SHANK2: variants seen among roughly 807,000 people sequenced by gnomAD.
SHANK2 encodes SH3 and multiple ankyrin repeat domains 2.
A neutral mutation model predicts 133.7 loss-of-function variants in SHANK2; 43 were observed. That is an observed-to-expected ratio of 0.32 (90% CI 0.25 to 0.41). SHANK2 has a LOEUF of 0.41. Among genes scored for constraint, SHANK2 ranks in the 10% least tolerant of loss-of-function variants. The pLI is 1.00. For missense variants in SHANK2, 1,994 were observed against 2,235.8 expected, an observed-to-expected ratio of 0.89 and a Z score of 2.18; for synonymous variants, 1,017 against 952.8, an observed-to-expected ratio of 1.07 and a Z score of -1.24.
chr11:71,096,674 A>T (rs562610088), intron 6 of SHANK2, among the ~76,000 whole-genome samples: 50 of 152,300 alleles, frequency 3.3e-4, no homozygotes, highest in African/African-American at 1.2e-3. Flanking sequence ...CGACTTAATG[A>T]GCGTGTGACA....
chr11:71,074,682 A>G (rs1433700255), intron 9 of SHANK2, among the ~76,000 whole-genome samples: 1 of 151,992 alleles, frequency 6.6e-6, no homozygotes, highest in African/African-American at 2.4e-5. Flanking sequence ...GGTGAGGGCC[A>G]CTAAGGGGCA....
intron 2 of SHANK2, among the ~76,000 whole-genome samples, chr11:71,209,791 C>T (rs537723328): frequency 7.2e-5 from 11 of 152,142 alleles, no homozygotes; most frequent in Non-Finnish European, 1.6e-4. Context: ...GAGCACCTGC[C>T]GTGAGCTGCC....
At position 70,502,261 on chromosome 11, in the gene SHANK2, C is replaced by G. The variant is rs374591072; in HGVS notation, c.2223G>C (p.Pro741=). ...TGGAGCGCAGGGTGAGGGCTGTGGTCGGTGCCCGCTTTGGAGGCGGGGGAG... is the reference window on the plus strand; with the variant it reads ...TGGAGCGCAGGGTGAGGGCTGTGGTGGGTGCCCGCTTTGGAGGCGGGGGAG... ...KKAPPPPKRA[P]TTALTLRSKS... Residue 741 remains proline (P), a synonymous_variant, in exon 19 of 26, where the codon CCG becomes CCC. Transcript: ENST00000601538. The G allele has an allele frequency of 1.3e-6, 2 of 1,558,136 alleles. No individual in the cohort carries two copies. The highest frequency in any genetic ancestry group is 1.2e-5 in the South Asian group (1 of 84,724).
intron 17 of SHANK2, among the ~76,000 whole-genome samples, chr11:70,619,883 G>A (rs1343923562): frequency 1.3e-5 from 2 of 152,214 alleles, no homozygotes; most frequent in Non-Finnish European, 2.9e-5. Context: ...TGTTACCATG[G>A]GACTTGGAGG....
In SHANK2 at chr11:71,109,960, G is replaced by A. The variant is rs1555098798; in HGVS notation, c.573C>T (p.Phe191=). ...GCTCACCTCCGGTCTCCGGGTCGTG[G>A]AAATTGGGATCCAGGCCTCGGTCCA... ...KMLDRGLDPN[F]HDPETGETPL... The change falls in exon 6 of 26, where the codon TTC becomes TTT. Residue 191 remains phenylalanine, a synonymous_variant. Coordinates refer to ENST00000601538, the MANE Select transcript of SHANK2 (RefSeq NM_012309.5). 1.9e-6 allele frequency: 3 copies of A among 1,551,382 alleles called. No homozygotes were observed. Among genetic ancestry groups the A allele is most frequent in the South Asian group, 2.4e-5 (2 of 84,066 alleles).
chr11:70,927,110 T>A lies in SHANK2; in HGVS notation c.1108-30543A>T, dbSNP rs531948799. ...ATGTGCTTGCCAAGGCATCTCAATA[T>A]GTTAATTTCTTTGTTTTAAAAAAAT... On this transcript the variant is annotated intron_variant, in intron 10 of 25. Coordinates refer to ENST00000601538, the MANE Select transcript of SHANK2 (RefSeq NM_012309.5). Among the ~76,000 whole-genome samples the A allele has an allele frequency of 2.0e-5, 3 of 152,276 alleles. No individual in the cohort carries two copies. In the South Asian group the frequency reaches 6.2e-4, roughly 32 times the overall value.
chr11:70,755,133 G>A (rs911138025), intron 14 of SHANK2, among the ~76,000 whole-genome samples: 22 of 151,162 alleles, frequency 1.5e-4, no homozygotes, highest in African/African-American at 4.4e-4. Context: ...GTGCAGTGGC[G>A]TGACCTCGGC....
chr11:70,557,278 C>T (rs1011642303), intron 17 of SHANK2, among the ~76,000 whole-genome samples: 1 of 152,134 alleles, frequency 6.6e-6, no homozygotes, highest in Non-Finnish European at 1.5e-5. Flanking sequence ...CTCAGGATCT[C>T]ACGAATTACA....
intron 2 of SHANK2, among the ~76,000 whole-genome samples, chr11:71,219,768 G>C (rs1266851213): frequency 6.6e-6 from 1 of 151,390 alleles, no homozygotes; most frequent in Non-Finnish European, 1.5e-5. Flanking sequence ...CATGGTGGTG[G>C]GTGCCTGTAA....
At chr11:70,590,964 C>T (rs1053073361) in intron 17 of SHANK2, among the ~76,000 whole-genome samples, 44 of 152,044 alleles carry the variant, frequency 2.9e-4, no homozygotes, top group African/African-American at 1.0e-3. Flanking sequence ...AATTAGTATC[C>T]CTCTCCCCAG....
Position 71,064,365 on chromosome 11 carries a change from C to T in SHANK2, c.1030-7807G>A, listed in dbSNP as rs1042052380. ...GGGGACAGCTGGGCGGAGGCAGAGG[C>T]CACCCCAGCAGAGCACCAAGAACCG... On this transcript the variant is annotated intron_variant, in intron 9 of 25. Transcript: ENST00000601538. Among the ~76,000 whole-genome samples, 1,017 of 152,200 alleles carry T rather than the reference C, an allele frequency of 6.7e-3. 9 individuals are homozygous for T. Among genetic ancestry groups the T allele is most frequent in the Non-Finnish European group, 9.8e-3 (668 of 68,008 alleles).
chr11:70,489,200 T>C, intron 24 of SHANK2, 128 bp downstream of exon 24: 3 of 912,100 alleles, frequency 3.3e-6, no homozygotes, highest in South Asian at 2.7e-5. Context: ...GTGTTCTCCA[T>C]TGACCAGTCA....
At chr11:70,666,579 T>G (rs556291834) in intron 15 of SHANK2, among the ~76,000 whole-genome samples, 70 of 152,308 alleles carry the variant, frequency 4.6e-4, no homozygotes, top group African/African-American at 1.7e-3. Flanking sequence ...AACCAGAGTC[T>G]GCCCTGACCT....
intron 1 of SHANK2, among the ~76,000 whole-genome samples, chr11:71,245,050 G>T (rs966581003): frequency 2.0e-4 from 31 of 151,666 alleles, no homozygotes; most frequent in Admixed American, 4.6e-4. Flanking sequence ...GCGTGATCAC[G>T]GCTCACTGCA....
intron 17 of SHANK2, among the ~76,000 whole-genome samples, chr11:70,586,117 G>T (rs546417808): frequency 6.6e-6 from 1 of 152,286 alleles, no homozygotes; most frequent in East Asian, 1.9e-4. Flanking sequence ...ACAGGTGCCT[G>T]CCCTGGGTTG....
chr11:70,826,560 A>G, intron 11 of SHANK2: 1 of 470,958 alleles, frequency 2.1e-6, no homozygotes, highest in South Asian at 1.5e-5. Context: ...GGATGGGAGG[A>G]AGGACAGGCG....
intron 15 of SHANK2, among the ~76,000 whole-genome samples, chr11:70,688,998 G>A (rs760696810): frequency 6.6e-6 from 1 of 152,248 alleles, no homozygotes; most frequent in Non-Finnish European, 1.5e-5. Flanking sequence ...GGGGCCAGGA[G>A]CATGTCTCTA....
At chr11:71,221,698 G>T (rs1359323362) in intron 2 of SHANK2, among the ~76,000 whole-genome samples, 1 of 152,082 alleles carries the variant, frequency 6.6e-6, no homozygotes, top group Non-Finnish European at 1.5e-5. Context: ...CTAATTATGC[G>T]ATACCCTGGC....
At chr11:70,524,920 C>G (rs576432672) in intron 17 of SHANK2, among the ~76,000 whole-genome samples, 1 of 152,342 alleles carries the variant, frequency 6.6e-6, no homozygotes, top group South Asian at 2.1e-4. Context: ...CTTGGCAGGT[C>G]TTTGTGGAGT....
Sources: allele counts gnomAD v4.1 joint callset (sites outside exome capture counted in the v4.1 genomes callset), GRCh38; gene constraint gnomAD v4.1.1; transcripts MANE v1.5; gene names NCBI Gene and HGNC (gene_info 2026-07-23, HGNC 2026-07-21).